MECOM: variants seen among roughly 807,000 people sequenced by gnomAD.
The protein encoded by MECOM is histone-lysine N-methyltransferase MECOM.
MECOM carries 13 observed loss-of-function variants against 116.3 expected under a neutral mutation model. The ratio of observed to expected loss-of-function variants is 0.11; its 90% CI spans 0.07 to 0.18. The LOEUF is 0.18. Among genes scored for constraint, MECOM ranks in the 10% least tolerant of loss-of-function variants. The pLI is 1.00. For missense variants in MECOM, 1,299 were observed against 1,509.0 expected (o/e 0.86, Z 2.31); for synonymous variants, 528 against 535.2 (o/e 0.99, Z 0.19).
chr3:169,168,644 A>G (rs1228286936), intron 2 of MECOM, among the ~76,000 whole-genome samples: 2 of 152,010 alleles, frequency 1.3e-5, no homozygotes, highest in African/African-American at 2.4e-5. Flanking sequence ...TCTTGGAGAG[A>G]TCATTAGTTC....
intron 2 of MECOM, chr3:169,147,443 G>C (rs984076789): frequency 5.1e-6 from 5 of 985,448 alleles, no homozygotes; most frequent in African/African-American, 1.7e-5. Context: ...GGGAGAAAGG[G>C]AGCTATCTCC....
intron 1 of MECOM, among the ~76,000 whole-genome samples, chr3:169,556,199 C>T (rs563401886): frequency 1.3e-5 from 2 of 152,296 alleles, no homozygotes; most frequent in South Asian, 2.1e-4. Context: ...CTTATTCCTA[C>T]AACAAGGACA....
chr3:169,663,236 C>T (rs140833063), intron 1 of MECOM, 100 bp downstream of exon 1: 5 of 1,414,996 alleles, frequency 3.5e-6, no homozygotes, highest in Non-Finnish European at 4.9e-6. Flanking sequence ...GGGGCCCCGG[C>T]GCAAGAGGCA....
intron 1 of MECOM, among the ~76,000 whole-genome samples, chr3:169,571,017 G>A (rs1265834082): frequency 6.6e-6 from 1 of 151,912 alleles, no homozygotes; most frequent in African/African-American, 2.4e-5. Context: ...AGAAATCAAG[G>A]GTATTCAAAT....
At chr3:169,258,867 C>T (rs1226814689) in intron 2 of MECOM, among the ~76,000 whole-genome samples, 1 of 152,124 alleles carries the variant, frequency 6.6e-6, no homozygotes, top group Non-Finnish European at 1.5e-5. Flanking sequence ...TTAAAAGTGC[C>T]TTCACATTGT....
At chr3:169,272,598 G>A (rs1041127666) in intron 2 of MECOM, among the ~76,000 whole-genome samples, 3 of 152,132 alleles carry the variant, frequency 2.0e-5, no homozygotes, top group African/African-American at 4.8e-5. Context: ...CATGGTCCTG[G>A]TATACATTTT....
At chr3:169,497,016 C>T (rs1753891958) in intron 1 of MECOM, among the ~76,000 whole-genome samples, 1 of 152,198 alleles carries the variant, frequency 6.6e-6, no homozygotes, top group African/African-American at 2.4e-5. Flanking sequence ...CTCTTTATTG[C>T]TACCATTCCT....
intron 2 of MECOM, among the ~76,000 whole-genome samples, chr3:169,235,061 T>A (rs1302023839): frequency 2.0e-5 from 3 of 152,154 alleles, no homozygotes; most frequent in African/African-American, 7.2e-5. Context: ...TTAGGAAAAA[T>A]AAACACTTCT....
chr3:169,371,971 C>T (rs1464338730), intron 2 of MECOM, among the ~76,000 whole-genome samples: 1 of 152,018 alleles, frequency 6.6e-6, no homozygotes, highest in Non-Finnish European at 1.5e-5. Flanking sequence ...CACAAGGAAG[C>T]ACATCTTCAT....
Position 169,488,236 on chromosome 3 carries a change from A to G in MECOM, c.38-106712T>C, listed in dbSNP as rs548157416. 3.3e-5 allele frequency among the ~76,000 whole-genome samples: 5 copies of G among 152,008 alleles called. 1 individual carries two copies. The South Asian group carries it at 1.0e-3, about 32-fold the overall frequency. ...ATATAGAAGTCTGTATACAAAAACTATTTTTCCAGGCCAGGCACGGTAGTT... is the reference window on the plus strand; with the variant it reads ...ATATAGAAGTCTGTATACAAAAACTGTTTTTCCAGGCCAGGCACGGTAGTT... On this transcript the variant is annotated intron_variant, in intron 1 of 16. Transcript: ENST00000651503.
At chr3:169,640,867 C>A (rs1214362942) in intron 1 of MECOM, among the ~76,000 whole-genome samples, 1 of 152,154 alleles carries the variant, frequency 6.6e-6, no homozygotes, top group Non-Finnish European at 1.5e-5. Flanking sequence ...GGAGGTGATT[C>A]CAAGGTTATG....
chr3:169,261,023 C>T (rs1323049668), intron 2 of MECOM, among the ~76,000 whole-genome samples: 1 of 151,984 alleles, frequency 6.6e-6, no homozygotes, highest in African/African-American at 2.4e-5. Context: ...TAATAGAGCA[C>T]TTTTTTTTCT....
At chr3:169,663,305 A>T (rs754526564) in intron 1 of MECOM, 31 bp downstream of exon 1, 1 of 1,597,870 alleles carries the variant, frequency 6.3e-7, no homozygotes, top group Non-Finnish European at 8.5e-7. Context: ...AGGAGGGGGA[A>T]AAGCCAATAG....
At chr3:169,561,335 A>G (rs1033815945) in intron 1 of MECOM, among the ~76,000 whole-genome samples, 2 of 152,112 alleles carry the variant, frequency 1.3e-5, no homozygotes, top group Non-Finnish European at 2.9e-5. Flanking sequence ...AATGACATGC[A>G]TTTCTAGCAA....
intron 1 of MECOM, among the ~76,000 whole-genome samples, chr3:169,620,859 G>A (rs1770626971): frequency 2.0e-5 from 3 of 152,194 alleles, no homozygotes; most frequent in Admixed American, 2.0e-4. Flanking sequence ...TAAAATAGGA[G>A]ATAGAAGACT....
At position 169,169,382 on chromosome 3, in the gene MECOM, C is replaced by T. The variant is rs115432332; in HGVS notation, c.376-25550G>A. ...GTTAAATTAACCTCATTACTTCAAA[C>T]TGAAATAATCAATATGATATGACAA... On this transcript the variant is annotated intron_variant, in intron 2 of 16. Transcript: ENST00000651503. Among the ~76,000 whole-genome samples, 421 of 152,218 alleles carry T rather than the reference C, an allele frequency of 2.8e-3. 3 individuals carry two copies. Among genetic ancestry groups the T allele is most frequent in the African/African-American group, 9.7e-3 (405 of 41,556 alleles).
chr3:169,393,836 G>A (rs572695851), intron 1 of MECOM, among the ~76,000 whole-genome samples: 10 of 152,050 alleles, frequency 6.6e-5, no homozygotes, highest in Non-Finnish European at 1.3e-4. Context: ...TATTTCAATA[G>A]CATTGTAGAA....
intron 1 of MECOM, among the ~76,000 whole-genome samples, chr3:169,647,860 C>T (rs1345614798): frequency 1.3e-5 from 2 of 152,084 alleles, no homozygotes; most frequent in African/African-American, 4.8e-5. Flanking sequence ...TAATGCCCTG[C>T]AGAAGGATAC....
chr3:169,283,722 A>G (rs1407422337), intron 2 of MECOM, among the ~76,000 whole-genome samples: 2 of 152,152 alleles, frequency 1.3e-5, no homozygotes, highest in Non-Finnish European at 2.9e-5. Context: ...AAAATTATTT[A>G]CCTTGCCCAC....
Sources: gnomAD v4.1 joint callset for allele counts (sites outside exome capture counted in the v4.1 genomes callset) on GRCh38, gnomAD v4.1.1 for gene constraint, MANE v1.5 for transcripts, NCBI Gene and HGNC (gene_info 2026-07-23, HGNC 2026-07-21) for gene names.